Variants in CPNE5 observed in about 807,000 individuals in gnomAD.
CPNE5 encodes copine-5.
CPNE5 carries 42 observed loss-of-function variants against 81.1 expected under a neutral mutation model. That is an observed-to-expected ratio of 0.52 (90% CI 0.40 to 0.67). The LOEUF is 0.67. CPNE5 is among the 30% of genes least tolerant of loss of function. CPNE5 has a pLI of 0.00. For missense variants in CPNE5, 612 were observed against 815.5 expected (o/e 0.75, Z 3.04); for synonymous variants, 313 against 321.5 (o/e 0.97, Z 0.28).
intron 2 of CPNE5, among the ~76,000 whole-genome samples, chr6:36,822,489 G>C (rs956582100): frequency 6.6e-6 from 1 of 152,206 alleles, no homozygotes; most frequent in Non-Finnish European, 1.5e-5. Context: ...TTGCCTTCTA[G>C]GCTACAGCAA....
At chr6:36,774,320 C>T (rs965542852) in intron 10 of CPNE5, among the ~76,000 whole-genome samples, 1 of 152,028 alleles carries the variant, frequency 6.6e-6, no homozygotes, top group African/African-American at 2.4e-5. Flanking sequence ...GAGGTCCAGG[C>T]TGCAGTGAGC....
intron 8 of CPNE5, among the ~76,000 whole-genome samples, chr6:36,786,291 C>T (rs976024879): frequency 1.5e-4 from 23 of 152,128 alleles, no homozygotes; most frequent in Admixed American, 7.2e-4. Context: ...AAACCTGGGG[C>T]GTCAGCGAAC....
chr6:36,746,597 A>C lies in CPNE5; in HGVS notation c.1019-20T>G. 1 of 1,601,258 alleles carries C rather than the reference A, an allele frequency of 6.2e-7. No individual in the cohort carries two copies. The highest frequency in any genetic ancestry group is 8.5e-7 in the Non-Finnish European group (1 of 1,175,240). ...GGTTCCCTGTAACACAGGACATGGG[A>C]GCCTTTGACCATCTGGACCCTCCAA... On this transcript the variant is annotated intron_variant, in intron 15 of 20. Coordinates refer to ENST00000244751, the MANE Select transcript of CPNE5 (RefSeq NM_020939.2). This position sits in a 1 kb window ranked among gnomAD's most constrained non-coding sequence, Gnocchi z 4.5.
chr6:36,809,326 T>C (rs1242564158), intron 3 of CPNE5, among the ~76,000 whole-genome samples: 2 of 151,678 alleles, frequency 1.3e-5, no homozygotes, highest in Non-Finnish European at 2.9e-5. Flanking sequence ...TGTTAACAAG[T>C]TGGGCAGCAC....
chr6:36,742,248 C>T lies in CPNE5; in HGVS notation c.*20G>A. ...CCTGGCCTCTCCCAGGCCCCAGCCA[C>T]CTGCCTGCTGAGACCAGGTTCAGAT... is the stretch of plus-strand genomic sequence containing the variant. On this transcript the variant is annotated 3_prime_UTR_variant, in exon 21 of 21. Coordinates refer to ENST00000244751, the MANE Select transcript of CPNE5 (RefSeq NM_020939.2). The T allele has an allele frequency of 6.5e-7, 1 of 1,535,236 alleles. No homozygotes were observed. Among genetic ancestry groups the T allele is most frequent in the Non-Finnish European group, 8.8e-7 (1 of 1,135,526 alleles).
At chr6:36,785,261 CAGA>C (rs931781557) in intron 8 of CPNE5, among the ~76,000 whole-genome samples, 1 of 151,992 alleles carries the variant, frequency 6.6e-6, no homozygotes, top group African/African-American at 2.4e-5. Context: ...AGGGGGAGAA[CAGA>C]AGAAGGCTGT....
intron 1 of CPNE5, chr6:36,838,903 G>C (rs72846041): frequency 5.6e-6 from 1 of 179,970 alleles, no homozygotes. Context: ...TGGGAGGGAT[G>C]GGGGCAAATC....
chr6:36,755,103 C>T (rs1193811947), intron 13 of CPNE5: 1 of 152,256 alleles, frequency 6.6e-6, no homozygotes, highest in African/African-American at 2.4e-5. Flanking sequence ...GTGTCTGTCA[C>T]AGCTGCCCTG....
rs553498955 is a variant in CPNE5 at position 36,818,325 on chromosome 6, C to T, written c.183+3789G>A. Reference sequence around the variant, plus strand: ...CCATACTTCCCTTCTCGTCGTTTCCCGTTAGGATTGTTCATCCACATGCAT... The same window carrying T: ...CCATACTTCCCTTCTCGTCGTTTCCTGTTAGGATTGTTCATCCACATGCAT... On this transcript the variant is annotated intron_variant, in intron 3 of 20. Coordinates refer to ENST00000244751, the MANE Select transcript of CPNE5 (RefSeq NM_020939.2). 3.2e-4 allele frequency among the ~76,000 whole-genome samples: 49 copies of T among 152,304 alleles called. 1 individual carries two copies. The highest frequency in any genetic ancestry group is 6.8e-3 in the Middle Eastern group (2 of 294).
At chr6:36,817,098 G>T (rs1330874764) in intron 3 of CPNE5, among the ~76,000 whole-genome samples, 6 of 152,242 alleles carry the variant, frequency 3.9e-5, no homozygotes, top group Non-Finnish European at 8.8e-5. Flanking sequence ...GGCTGAGGCG[G>T]ATGGATCATC....
Position 36,742,439 on chromosome 6 carries a change from C to T in CPNE5, c.1611G>A (p.Leu537=), listed in dbSNP as rs1057060852. 24 of 1,613,536 alleles carry T rather than the reference C, an allele frequency of 1.5e-5. No homozygotes were observed. The East Asian group carries it at 2.5e-4, about 16-fold the overall frequency. The change falls in exon 21 of 21, where the codon CTG becomes CTA. Residue 537 remains leucine, a synonymous_variant. Coordinates refer to ENST00000244751, the MANE Select transcript of CPNE5 (RefSeq NM_020939.2). ...DYVDRTGNHV[L]SMARLARDVL... ...CGTCTCGGGCCAGGCGGGCCATGCT[C>T]AGCACGTGGTTGCCTGTGCGGTCCA... is the stretch of plus-strand genomic sequence containing the variant.
At chr6:36,801,781 G>A (rs236405) in intron 3 of CPNE5, among the ~76,000 whole-genome samples, 3,160 of 152,252 alleles carry the variant, frequency 0.021, 119 homozygotes, top group African/African-American at 0.069. Flanking sequence ...AAAGTAGAAT[G>A]GCAGTGACCA....
intron 3 of CPNE5, among the ~76,000 whole-genome samples, chr6:36,810,041 A>G (rs1416995366): frequency 6.6e-6 from 1 of 152,084 alleles, no homozygotes; most frequent in Admixed American, 6.5e-5. Flanking sequence ...AAGCCCTCCC[A>G]GAGGCAACCC....
chr6:36,803,114 G>A (rs1487864279), intron 3 of CPNE5, among the ~76,000 whole-genome samples: 1 of 152,096 alleles, frequency 6.6e-6, no homozygotes, highest in African/African-American at 2.4e-5. Context: ...CACTAGATTT[G>A]GCATCTTTTG....
rs755535200 is a variant in CPNE5 at position 36,774,909 on chromosome 6, G to T, written c.737+52C>A. The T allele has an allele frequency of 6.4e-6, 9 of 1,397,476 alleles. No individual in the cohort carries two copies. In the Admixed American group the frequency reaches 8.8e-5, roughly 14 times the overall value. 86.6% of individuals were successfully genotyped at this position (1,397,476 alleles called of 1,614,324 possible). ...AATGGGGCCACCCTCACTTGTGCTT[G>T]GGGAGGGCCCAGAAGCAGAAGGAAA... On this transcript the variant is annotated intron_variant, in intron 10 of 20. Coordinates refer to ENST00000244751, the MANE Select transcript of CPNE5 (RefSeq NM_020939.2).
At position 36,774,981 on chromosome 6, in the gene CPNE5, G is replaced by C. The variant is rs1767373720; in HGVS notation, c.717C>G (p.Leu239=). 1 of 1,613,916 alleles carries C rather than the reference G, an allele frequency of 6.2e-7. No homozygotes were observed. The highest frequency in any genetic ancestry group is 1.7e-5 in the Admixed American group (1 of 60,012). ...CTCACCGATCGTAGTCGCCGTTGCA[G>C]AGGGCTCTCACGGGAATGGAGAAAG... ...WQTFSIPVRA[L]CNGDYDRTIK... is the part of the protein sequence containing the mutation. The change falls in exon 10 of 21, where the codon CTC becomes CTG. Residue 239 remains leucine (L), a synonymous_variant. Transcript: ENST00000244751.
At chr6:36,809,330 G>A (rs1770888526) in intron 3 of CPNE5, among the ~76,000 whole-genome samples, 2 of 152,006 alleles carry the variant, frequency 1.3e-5, no homozygotes, top group Admixed American at 1.3e-4. Flanking sequence ...AACAAGTTGG[G>A]CAGCACTTTG....
At chr6:36,815,383 G>A (rs9470410) in intron 3 of CPNE5, among the ~76,000 whole-genome samples, 6,118 of 152,166 alleles carry the variant, frequency 0.04, 339 homozygotes, top group African/African-American at 0.13. Flanking sequence ...TGAAATTCAC[G>A]TTGAAATTCT....
intron 1 of CPNE5, among the ~76,000 whole-genome samples, chr6:36,832,870 A>C (rs1158185752): frequency 2.0e-5 from 3 of 152,154 alleles, no homozygotes; most frequent in Non-Finnish European, 2.9e-5. Context: ...AAACAGGGTG[A>C]ACTGTGAGCT....
Sources: allele counts gnomAD v4.1 joint callset (sites outside exome capture counted in the v4.1 genomes callset), GRCh38; gene constraint gnomAD v4.1.1; non-coding constraint Gnocchi (gnomAD v3.1); transcripts MANE v1.5; gene names NCBI Gene and HGNC (gene_info 2026-07-23, HGNC 2026-07-21).